USO1: variants seen among roughly 807,000 people sequenced by gnomAD.
USO1 encodes the protein general vesicular transport factor p115.
Under a neutral mutation model 124.5 loss-of-function variants are expected in USO1, and 57 were observed. That is an observed-to-expected ratio of 0.46 (90% CI 0.37 to 0.57). The LOEUF is 0.57. USO1 is among the 20% of genes least tolerant of loss of function. The pLI is 0.00. For synonymous variants in USO1, 369 were observed against 362.8 expected, an observed-to-expected ratio of 1.02 and a Z score of -0.19; for missense variants, 900 against 1,040.6, an observed-to-expected ratio of 0.86 and a Z score of 1.86.
rs746029369 is a variant in USO1 at position 75,757,554 on chromosome 4, T to TGAA, written c.290_292dup (p.Glu97dup). ...ACACACTATATAATATAATATCTAA[T>TGAA]GAAGAAGAAGAAGAAGTAGGTAAGT... On this transcript the variant is annotated inframe_insertion, in exon 4 of 24. Coordinates refer to ENST00000514213, the MANE Select transcript of USO1 (RefSeq NM_003715.4). 8 of 1,492,292 alleles carry TGAA rather than the reference T, an allele frequency of 5.4e-6. No individual in the cohort carries two copies. Among genetic ancestry groups the TGAA allele is most frequent in the Middle Eastern group, 1.8e-4 (1 of 5,646 alleles). 92.4% of individuals were successfully genotyped at this position (1,492,292 alleles called of 1,614,324 possible).
At chr4:75,764,570 C>A (rs896239652) in intron 4 of USO1, among the ~76,000 whole-genome samples, 3 of 152,118 alleles carry the variant, frequency 2.0e-5, no homozygotes, top group Non-Finnish European at 4.4e-5. Flanking sequence ...AATATTTCAA[C>A]ATTTTAAAAT....
chr4:75,805,045 T>C (rs1029275839), intron 18 of USO1, 95 bp from the exon 19 acceptor site: 1 of 1,425,366 alleles, frequency 7.0e-7, no homozygotes, highest in Non-Finnish European at 9.3e-7. Context: ...GCCAAAGTAA[T>C]TGAATGAAGA....
chr4:75,762,038 T>G (rs1721621522), intron 4 of USO1, among the ~76,000 whole-genome samples: 1 of 152,196 alleles, frequency 6.6e-6, no homozygotes, highest in Non-Finnish European at 1.5e-5. Flanking sequence ...CATGTTTATC[T>G]TATGTAATCC....
At chr4:75,765,351 CT>C (rs940825794) in intron 4 of USO1, among the ~76,000 whole-genome samples, 17 of 152,116 alleles carry the variant, frequency 1.1e-4, no homozygotes, top group African/African-American at 3.6e-4. Context: ...TGGCTAACAT[CT>C]CCATGATTTG....
At chr4:75,770,751 T>C in intron 5 of USO1, 71 bp from the exon 6 acceptor site, 1 of 1,567,602 alleles carries the variant, frequency 6.4e-7, no homozygotes, top group Non-Finnish European at 8.6e-7. Context: ...GTAAAAGTTA[T>C]TAGTGGAAAA....
In USO1 at chr4:75,806,985, G is replaced by A. The variant is rs553111209; in HGVS notation, c.2376+413G>A. ...TATAGAATTTTAGAATTGGAAAAGA[G>A]AAGAAAGGTAAACTTACCTATATCT... On this transcript the variant is annotated intron_variant, in intron 20 of 23. Coordinates refer to ENST00000514213, the MANE Select transcript of USO1 (RefSeq NM_003715.4). Among the ~76,000 whole-genome samples the A allele has an allele frequency of 3.9e-5, 6 of 152,170 alleles. No homozygotes were observed. In the South Asian group the frequency reaches 6.2e-4, roughly 16 times the overall value.
At chr4:75,758,151 C>T (rs1395978349) in intron 4 of USO1, among the ~76,000 whole-genome samples, 2 of 151,872 alleles carry the variant, frequency 1.3e-5, no homozygotes, top group African/African-American at 4.8e-5. Context: ...AGTTATCTGT[C>T]TTATTTATTG....
chr4:75,813,694 C>A lies in USO1; in HGVS notation c.*399C>A. ...TTGGAATTATTATTTCTAAATTCAGCATTTGAGTCCTTAGTTGATGATTTT... is the reference window on the plus strand; with the variant it reads ...TTGGAATTATTATTTCTAAATTCAGAATTTGAGTCCTTAGTTGATGATTTT... On this transcript the variant is annotated 3_prime_UTR_variant, in exon 24 of 24. Transcript: ENST00000514213. 1 of 153,480 alleles carries A rather than the reference C, an allele frequency of 6.5e-6. No individual in the cohort carries two copies. 9.5% of individuals were successfully genotyped at this position (153,480 alleles called of 1,614,324 possible). A position where few individuals can be genotyped will look rare whatever the true frequency, so the allele number is the denominator to read the frequency against.
At chr4:75,725,018 C>G in intron 1 of USO1, 133 bp downstream of exon 1, 1 of 885,450 alleles carries the variant, frequency 1.1e-6, no homozygotes, top group Non-Finnish European at 1.7e-6. Flanking sequence ...CCCCCTTTGC[C>G]CTCCTTCCGC....
intron 3 of USO1, among the ~76,000 whole-genome samples, chr4:75,753,848 A>G (rs1002886734): frequency 9.6e-5 from 13 of 135,468 alleles, no homozygotes; most frequent in African/African-American, 3.4e-4. Flanking sequence ...CAGTGGCATG[A>G]TCTCAGCTCA....
At chr4:75,806,165 G>A (rs1577975026) in intron 19 of USO1, among the ~76,000 whole-genome samples, 1 of 151,974 alleles carries the variant, frequency 6.6e-6, no homozygotes, top group Admixed American at 6.6e-5. Context: ...CTAATTTTTT[G>A]TATTTTAGTA....
At chr4:75,800,841 T>C in intron 16 of USO1, 42 bp downstream of exon 16, 1 of 1,570,250 alleles carries the variant, frequency 6.4e-7, no homozygotes, top group Non-Finnish European at 8.6e-7. Flanking sequence ...GGAAAGTAAT[T>C]ATATTTATAT....
intron 1 of USO1, among the ~76,000 whole-genome samples, chr4:75,731,556 C>T (rs1482705070): frequency 6.3e-5 from 4 of 63,280 alleles, no homozygotes; most frequent in Admixed American, 1.7e-4. Flanking sequence ...AGTGAGACTC[C>T]GTCTCAAAAA....
intron 1 of USO1, among the ~76,000 whole-genome samples, chr4:75,746,952 A>G (rs908701267): frequency 2.0e-5 from 3 of 152,222 alleles, no homozygotes; most frequent in Admixed American, 1.3e-4. Flanking sequence ...GAAGAAAAAT[A>G]CAAAGAAGTC....
In USO1 at chr4:75,770,875, A is replaced by G. The variant is rs1373081395; in HGVS notation, c.450A>G (p.Leu150=). Residue 150 remains leucine (L), a synonymous_variant, in exon 6 of 24, where the codon TTA becomes TTG. Coordinates refer to ENST00000514213, the MANE Select transcript of USO1 (RefSeq NM_003715.4). The part of the protein sequence containing the change: ...WPGVKLLTSL[L]KQLGPQVQQI... Reference sequence around the variant, plus strand: ...GTGTGAAGCTTCTTACTTCTCTTTTAAAACAACTAGGGCCTCAGGTGCAAC... The same window carrying G: ...GTGTGAAGCTTCTTACTTCTCTTTTGAAACAACTAGGGCCTCAGGTGCAAC... The G allele has an allele frequency of 1.9e-6, 3 of 1,613,696 alleles. No individual in the cohort carries two copies. Among genetic ancestry groups the G allele is most frequent in the Non-Finnish European group, 2.5e-6 (3 of 1,179,834 alleles).
At chr4:75,727,930 A>G (rs1720511607) in intron 1 of USO1, among the ~76,000 whole-genome samples, 1 of 144,198 alleles carries the variant, frequency 6.9e-6, no homozygotes, top group African/African-American at 2.5e-5. Context: ...CAGTGTGCAT[A>G]TATCTTATTC....
intron 1 of USO1, among the ~76,000 whole-genome samples, chr4:75,728,502 T>G (rs1379041854): frequency 6.6e-6 from 1 of 152,114 alleles, no homozygotes; most frequent in Non-Finnish European, 1.5e-5. Context: ...ATACAAAAAT[T>G]AGCTGGGCAT....
intron 10 of USO1, among the ~76,000 whole-genome samples, 175 bp downstream of exon 10, chr4:75,787,377 A>G (rs913627478): frequency 6.6e-6 from 1 of 152,218 alleles, no homozygotes; most frequent in African/African-American, 2.4e-5. Context: ...ATTCCAAAAG[A>G]TATACTCATC....
intron 20 of USO1, among the ~76,000 whole-genome samples, chr4:75,808,044 G>A (rs1235591799): frequency 6.6e-6 from 1 of 152,042 alleles, no homozygotes; most frequent in Admixed American, 6.6e-5. Flanking sequence ...CAAAAGAAAA[G>A]AGCCTTTTAC....
Sources: allele counts gnomAD v4.1 joint callset (sites outside exome capture counted in the v4.1 genomes callset), GRCh38; gene constraint gnomAD v4.1.1; transcripts MANE v1.5; gene names NCBI Gene and HGNC (gene_info 2026-07-23, HGNC 2026-07-21).